The following GRID1 variants were observed in gnomAD, a reference collection of about 807,000 sequenced individuals.
GRID1 encodes glutamate receptor ionotropic, delta-1.
A neutral mutation model predicts 98.0 loss-of-function variants in GRID1; 28 were observed. That is an observed-to-expected ratio of 0.29 (90% confidence interval 0.21 to 0.39). The LOEUF (loss-of-function observed/expected upper bound fraction) is 0.39. Ranked by LOEUF, GRID1 falls within the 10% of genes least tolerant of loss-of-function variation. GRID1 has a pLI of 1.00. For synonymous variants in GRID1, 553 were observed against 538.5 expected, an observed-to-expected ratio of 1.03 and a Z score of -0.37; for missense variants, 1,111 against 1,340.5, an observed-to-expected ratio of 0.83 and a Z score of 2.67.
intron 4 of GRID1, among the ~76,000 whole-genome samples, chr10:86,093,643 T>C (rs999728750): frequency 9.2e-5 from 14 of 152,088 alleles, no homozygotes; most frequent in Admixed American, 8.5e-4. Flanking sequence ...CCATCTTAGC[T>C]TAAACCAGGA....
chr10:85,649,468 G>A (rs750612231), intron 12 of GRID1, among the ~76,000 whole-genome samples: 4 of 151,840 alleles, frequency 2.6e-5, no homozygotes, highest in Admixed American at 6.6e-5. Flanking sequence ...TAATTTGCCT[G>A]TAATGAAAGG....
intron 8 of GRID1, among the ~76,000 whole-genome samples, chr10:85,731,510 T>TAAA (rs1464995669): frequency 2.0e-5 from 3 of 151,340 alleles, no homozygotes; most frequent in East Asian, 3.9e-4. Flanking sequence ...CATTGGACCT[T>TAAA]AAAAAATAGG....
In GRID1 at chr10:85,854,540, G is replaced by C; in HGVS notation, c.1189C>G (p.Leu397Val). 1 of 1,613,704 alleles carries C rather than the reference G, an allele frequency of 6.2e-7. No individual in the cohort carries two copies. The highest frequency in any genetic ancestry group is 8.5e-7 in the Non-Finnish European group (1 of 1,179,604). Residue 397 changes from leucine to valine, a missense_variant, in exon 8 of 16, where the codon CTT becomes GTT. Coordinates refer to ENST00000327946, the MANE Select transcript of GRID1 (RefSeq NM_017551.3). ...SSNPYVQFEI[L>V]GTTYSETFGK... ...AAAGTCTCACTATAGGTAGTGCCAA[G>C]GATTTCAAACTGGACATAGGGATTC... is the stretch of plus-strand genomic sequence containing the variant.
intron 12 of GRID1, among the ~76,000 whole-genome samples, chr10:85,691,430 C>G (rs772368237): frequency 3.3e-5 from 5 of 152,066 alleles, no homozygotes; most frequent in Non-Finnish European, 7.4e-5. Flanking sequence ...TTGTCTCTTA[C>G]CCCTCTGATT....
At chr10:85,807,818 A>G (rs1213370866) in intron 8 of GRID1, among the ~76,000 whole-genome samples, 4 of 152,206 alleles carry the variant, frequency 2.6e-5, no homozygotes, top group African/African-American at 9.6e-5. Context: ...AATAGATATT[A>G]TAAGTTGATT....
At chr10:85,887,708 C>T (rs1255456118) in intron 5 of GRID1, among the ~76,000 whole-genome samples, 1 of 152,164 alleles carries the variant, frequency 6.6e-6, no homozygotes, top group East Asian at 1.9e-4. Context: ...GTAACTTGGA[C>T]AAGGCACTTA....
intron 4 of GRID1, among the ~76,000 whole-genome samples, chr10:85,985,215 T>G (rs1484157795): frequency 2.0e-5 from 3 of 152,218 alleles, no homozygotes; most frequent in Admixed American, 6.5e-5. Flanking sequence ...CTATCTCAAG[T>G]TGCCAAGTGA....
intron 8 of GRID1, among the ~76,000 whole-genome samples, chr10:85,789,364 G>A (rs936128076): frequency 3.3e-5 from 5 of 152,130 alleles, no homozygotes; most frequent in African/African-American, 1.2e-4. Context: ...CAGCCGCAGT[G>A]TGGAGAGGAC....
At chr10:85,963,234 C>A (rs11201853) in intron 4 of GRID1, among the ~76,000 whole-genome samples, 39,850 of 151,946 alleles carry the variant, frequency 0.26, 5,228 homozygotes, top group Middle Eastern at 0.3. Flanking sequence ...TCTGACCTTT[C>A]TTTCATATGA....
chr10:86,030,432 A>G (rs1179908727), intron 4 of GRID1, among the ~76,000 whole-genome samples: 5 of 152,260 alleles, frequency 3.3e-5, no homozygotes, highest in African/African-American at 1.2e-4. Context: ...CTTGTATATT[A>G]ACGTTTCAGC....
At chr10:85,826,528 G>T (rs750322236) in intron 8 of GRID1, among the ~76,000 whole-genome samples, 1 of 151,898 alleles carries the variant, frequency 6.6e-6, no homozygotes, top group Non-Finnish European at 1.5e-5. Flanking sequence ...CTGTTGTTGC[G>T]GGCGTAAGCA....
At chr10:85,628,259 T>G (rs1842934734) in intron 13 of GRID1, among the ~76,000 whole-genome samples, 1 of 151,732 alleles carries the variant, frequency 6.6e-6, no homozygotes, top group Non-Finnish European at 1.5e-5. Context: ...GGTATGACTG[T>G]GTATGTGTGT....
chr10:85,975,253 T>A (rs1339257790), intron 4 of GRID1, among the ~76,000 whole-genome samples: 1 of 152,252 alleles, frequency 6.6e-6, no homozygotes, highest in East Asian at 1.9e-4. Flanking sequence ...TCTTCCCTTA[T>A]TTTGACAAAA....
chr10:85,757,754 C>T (rs1293592548), intron 8 of GRID1, among the ~76,000 whole-genome samples: 1 of 152,212 alleles, frequency 6.6e-6, no homozygotes, highest in Non-Finnish European at 1.5e-5. Flanking sequence ...AAGGATCTTA[C>T]TGAAATCTCC....
chr10:85,801,924 A>C (rs1842580024), intron 8 of GRID1, among the ~76,000 whole-genome samples: 1 of 152,048 alleles, frequency 6.6e-6, no homozygotes, highest in African/African-American at 2.4e-5. Flanking sequence ...ATAAGAGATG[A>C]ATTTAGATAA....
chr10:85,933,267 A>G (rs1327269916), intron 4 of GRID1, among the ~76,000 whole-genome samples: 1 of 149,892 alleles, frequency 6.7e-6, no homozygotes, highest in East Asian at 2.0e-4. Flanking sequence ...GAAGTATAAG[A>G]AATAAATCTC....
chr10:86,316,439 C>G lies in GRID1; in HGVS notation c.235+47502G>C, dbSNP rs189847172. Among the ~76,000 whole-genome samples, 324 of 152,378 alleles carry G rather than the reference C, an allele frequency of 2.1e-3. 1 individual carries two copies. Among genetic ancestry groups the G allele is most frequent in the African/African-American group, 7.0e-3 (293 of 41,596 alleles). Reference sequence around the variant, plus strand: ...TCTCCAGAGATACAACAATCCCCCCCATCAGGCACAGCCTGGCCCCTGAAG... The same window carrying G: ...TCTCCAGAGATACAACAATCCCCCCGATCAGGCACAGCCTGGCCCCTGAAG... On this transcript the variant is annotated intron_variant, in intron 2 of 15. Coordinates refer to ENST00000327946, the MANE Select transcript of GRID1 (RefSeq NM_017551.3).
chr10:86,264,846 A>T (rs1847080403), intron 2 of GRID1: 4 of 449,598 alleles, frequency 8.9e-6, no homozygotes, highest in Non-Finnish European at 1.9e-5. Flanking sequence ...GCAGACGAGG[A>T]AGCCCTCCAA....
At chr10:86,352,084 C>T (rs1479351833) in intron 2 of GRID1, among the ~76,000 whole-genome samples, 3 of 152,222 alleles carry the variant, frequency 2.0e-5, no homozygotes, top group African/African-American at 4.8e-5. Context: ...GAGCGGATCA[C>T]AAGGTCAGGA....
Sources: gnomAD v4.1 joint callset for allele counts (sites outside exome capture counted in the v4.1 genomes callset) on GRCh38, gnomAD v4.1.1 for gene constraint, MANE v1.5 for transcripts, NCBI Gene and HGNC (gene_info 2026-07-23, HGNC 2026-07-21) for gene names.